Variants in ARID5B observed in about 807,000 individuals in gnomAD.
The protein encoded by ARID5B is AT-rich interactive domain-containing protein 5B.
A neutral mutation model predicts 97.2 loss-of-function variants in ARID5B; 13 were observed. The ratio of observed to expected loss-of-function variants is 0.13; its 90% CI spans 0.09 to 0.21. The LOEUF is 0.21. Among genes scored for constraint, ARID5B ranks in the 10% least tolerant of loss-of-function variants. ARID5B has a pLI of 1.00. For synonymous variants in ARID5B, 556 were observed against 570.3 expected, an observed-to-expected ratio of 0.97 and a Z score of 0.36; for missense variants, 1,210 against 1,465.3, an observed-to-expected ratio of 0.83 and a Z score of 2.84.
chr10:62,070,952 G>A (rs945098400), intron 8 of ARID5B, among the ~76,000 whole-genome samples: 1 of 151,802 alleles, frequency 6.6e-6, no homozygotes, highest in Admixed American at 6.6e-5. Flanking sequence ...TGATATCTCA[G>A]GTGAGTGTTC....
At chr10:61,922,156 C>T (rs868043651) in intron 2 of ARID5B, among the ~76,000 whole-genome samples, 11 of 152,296 alleles carry the variant, frequency 7.2e-5, no homozygotes, top group East Asian at 3.9e-4. Flanking sequence ...CAAGCCATAT[C>T]GGGTCTTTTT....
chr10:61,921,792 C>G (rs895628405), intron 2 of ARID5B, among the ~76,000 whole-genome samples: 3 of 152,216 alleles, frequency 2.0e-5, no homozygotes, highest in South Asian at 4.2e-4. Context: ...GAAAGGTATT[C>G]TTCTTACTCT....
At chr10:62,011,403 G>A (rs573621548) in intron 4 of ARID5B, among the ~76,000 whole-genome samples, 20 of 152,290 alleles carry the variant, frequency 1.3e-4, no homozygotes, top group South Asian at 4.1e-4. Flanking sequence ...CCATGCTCTA[G>A]AGAATGCATT....
chr10:62,075,968 A>G (rs1285805149), intron 8 of ARID5B, among the ~76,000 whole-genome samples: 5 of 152,234 alleles, frequency 3.3e-5, no homozygotes, highest in Non-Finnish European at 7.3e-5. Context: ...ATGTGCAGAG[A>G]GCACTCTCAG....
chr10:61,985,403 A>T (rs148492643), intron 3 of ARID5B, among the ~76,000 whole-genome samples: 1 of 152,136 alleles, frequency 6.6e-6, no homozygotes, highest in East Asian at 1.9e-4. Flanking sequence ...CTTAATCCAC[A>T]GAAGGTATTC....
Position 62,096,464 on chromosome 10 carries a change from C to A in ARID5B, c.*3434C>A, listed in dbSNP as rs998915476. 6 of 233,340 alleles carry A rather than the reference C, an allele frequency of 2.6e-5. No individual in the cohort carries two copies. The highest frequency in any genetic ancestry group is 4.2e-5 in the Non-Finnish European group (5 of 118,028). 14.5% of individuals were successfully genotyped at this position (233,340 alleles called of 1,614,324 possible). On this transcript the variant is annotated 3_prime_UTR_variant, in exon 10 of 10. Coordinates refer to ENST00000279873, the MANE Select transcript of ARID5B (RefSeq NM_032199.3). ...GGAATGAGTTTGCCCTGGTGAGACCCATACCATTGCAATGATTATCTTGAG... is the reference window on the plus strand; with the variant it reads ...GGAATGAGTTTGCCCTGGTGAGACCAATACCATTGCAATGATTATCTTGAG...
chr10:62,095,160 A>G lies in ARID5B; in HGVS notation c.*2130A>G, dbSNP rs1327665898. On this transcript the variant is annotated 3_prime_UTR_variant, in exon 10 of 10. Transcript: ENST00000279873. ...TAGACTAGTAGAATTTAGATTATAAATGTGTGAGTGCAGATTATCCTGCTA... is the reference window on the plus strand; with the variant it reads ...TAGACTAGTAGAATTTAGATTATAAGTGTGTGAGTGCAGATTATCCTGCTA... The G allele has an allele frequency of 8.6e-6, 2 of 232,462 alleles. No individual in the cohort carries two copies. Among genetic ancestry groups the G allele is most frequent in the Non-Finnish European group, 1.7e-5 (2 of 117,402 alleles). 14.4% of individuals were successfully genotyped at this position (232,462 alleles called of 1,614,324 possible). A position where few individuals can be genotyped will look rare whatever the true frequency, so the allele number is the denominator to read the frequency against.
rs778189769 is a variant in ARID5B, at chr10:62,039,971, G to A, written c.734-10917G>A. On this transcript the variant is annotated intron_variant, in intron 4 of 9. Coordinates refer to ENST00000279873, the MANE Select transcript of ARID5B (RefSeq NM_032199.3). ...AACTTACTCAATAGTTGGAGATTAA[G>A]AAGTGTCTACTTCCAAGCAACTAAA... Among the ~76,000 whole-genome samples, 56 of 152,352 alleles carry A rather than the reference G, an allele frequency of 3.7e-4. 1 individual carries two copies. Among genetic ancestry groups the A allele is most frequent in the Non-Finnish European group, 3.4e-4 (23 of 68,036 alleles).
chr10:62,043,855 G>C (rs140394518), intron 4 of ARID5B, among the ~76,000 whole-genome samples: 185 of 152,232 alleles, frequency 1.2e-3, no homozygotes, highest in African/African-American at 4.1e-3. Context: ...GATTACAAAA[G>C]TGTTTACTTA....
intron 6 of ARID5B, among the ~76,000 whole-genome samples, chr10:62,058,737 G>A (rs1296440859): frequency 6.6e-6 from 1 of 152,152 alleles, no homozygotes; most frequent in African/African-American, 2.4e-5. Context: ...CCACATGTTG[G>A]TGAAATACTG....
intron 7 of ARID5B, among the ~76,000 whole-genome samples, chr10:62,059,981 A>G (rs1839901807): frequency 1.3e-5 from 2 of 152,206 alleles, no homozygotes; most frequent in Non-Finnish European, 2.9e-5. Context: ...CATAAATATA[A>G]CCCACAGAGA....
intron 8 of ARID5B, among the ~76,000 whole-genome samples, chr10:62,075,141 G>A (rs942129806): frequency 8.5e-5 from 13 of 152,186 alleles, no homozygotes; most frequent in East Asian, 3.9e-4. Flanking sequence ...CAGGGGCCAC[G>A]GCTGGAAAGT....
intron 3 of ARID5B, among the ~76,000 whole-genome samples, chr10:61,993,507 T>C (rs983288835): frequency 2.6e-5 from 4 of 152,232 alleles, no homozygotes; most frequent in Admixed American, 2.6e-4. Flanking sequence ...AAAATTACCT[T>C]CCGAGAAATT....
chr10:62,067,857 G>A (rs866973019), intron 7 of ARID5B, among the ~76,000 whole-genome samples: 12 of 152,160 alleles, frequency 7.9e-5, no homozygotes, highest in South Asian at 4.1e-4. Flanking sequence ...TCATGGATGC[G>A]AAAATCCTTT....
chr10:62,085,714 A>T lies in ARID5B; in HGVS notation c.1212A>T (p.Pro404=), dbSNP rs754026680. The part of the protein sequence containing the change: ...TRRHYERLIL[P]YERFIKGEED... ...GTTAACCTTTTAGATTAATCCTACC[A>T]TATGAAAGATTTATTAAAGGAGAAG... Residue 404 remains proline, a synonymous_variant, in exon 9 of 10, where the codon CCA becomes CCT. Coordinates refer to ENST00000279873, the MANE Select transcript of ARID5B (RefSeq NM_032199.3). The T allele has an allele frequency of 3.7e-6, 6 of 1,607,562 alleles. 1 individual carries two copies. In the South Asian group the frequency reaches 6.7e-5, roughly 18 times the overall value.
At chr10:62,064,269 T>A (rs1218659577) in intron 7 of ARID5B, among the ~76,000 whole-genome samples, 3 of 152,196 alleles carry the variant, frequency 2.0e-5, no homozygotes, top group Non-Finnish European at 4.4e-5. Flanking sequence ...TGTCATGTAG[T>A]TTTGAAAGGC....
At chr10:62,076,995 A>C (rs1392367817) in intron 8 of ARID5B, among the ~76,000 whole-genome samples, 1 of 152,160 alleles carries the variant, frequency 6.6e-6, no homozygotes, top group Non-Finnish European at 1.5e-5. Context: ...TAGCCCTATC[A>C]ACAACCAGAA....
intron 2 of ARID5B, among the ~76,000 whole-genome samples, chr10:61,935,379 C>A (rs1370636965): frequency 6.6e-6 from 1 of 151,960 alleles, no homozygotes; most frequent in Non-Finnish European, 1.5e-5. Context: ...AAGAACTCTG[C>A]AGAAAGGAAT....
rs1463218385 is a variant in ARID5B, at chr10:62,093,089, A to G, written c.*59A>G. On this transcript the variant is annotated 3_prime_UTR_variant, in exon 10 of 10. Transcript: ENST00000279873. ...GCCAACAGAGCTTCACTCCTTACCC[A>G]GGAGTGCTGGCTTATAGAGTTAGAA... 12 of 1,539,828 alleles carry G rather than the reference A, an allele frequency of 7.8e-6. No individual in the cohort carries two copies. Among genetic ancestry groups the G allele is most frequent in the Non-Finnish European group, 9.5e-6 (11 of 1,152,770 alleles).
Sources: allele counts gnomAD v4.1 joint callset (sites outside exome capture counted in the v4.1 genomes callset), GRCh38; gene constraint gnomAD v4.1.1; transcripts MANE v1.5; gene names NCBI Gene and HGNC (gene_info 2026-07-23, HGNC 2026-07-21).